ACCSL: variants seen among roughly 807,000 people sequenced by gnomAD.
ACCSL encodes probable inactive 1-aminocyclopropane-1-carboxylate synthase-like protein 2.
Under a neutral mutation model 61.7 loss-of-function variants are expected in ACCSL, and 55 were observed. That is an observed-to-expected ratio of 0.89 (90% confidence interval 0.72 to 1.12). ACCSL has a LOEUF of 1.12. Among genes scored for constraint, ACCSL ranks in the 50% most tolerant of loss-of-function variants. The pLI is 0.00. For missense variants in ACCSL, 632 were observed against 698.0 expected, an observed-to-expected ratio of 0.91 and a Z score of 1.07; for synonymous variants, 258 against 264.3, an observed-to-expected ratio of 0.98 and a Z score of 0.23.
At chr11:44,042,368 T>A in the ACCSL span, among the ~76,000 whole-genome samples, 1 of 152,252 alleles carries the variant, frequency 6.6e-6, no homozygotes, top group Non-Finnish European at 1.5e-5. Context: ...GGATTAGGAC[T>A]AATAAATTCA....
chr11:43,930,401 G>C, the ACCSL span, among the ~76,000 whole-genome samples: 1 of 152,154 alleles, frequency 6.6e-6, no homozygotes, highest in East Asian at 1.9e-4. Context: ...GTGTTGGACC[G>C]GGCCTGGTGG....
intron 1 of ACCSL, among the ~76,000 whole-genome samples, chr11:44,049,022 C>T (rs562822959): frequency 4.6e-5 from 7 of 152,210 alleles, no homozygotes; most frequent in South Asian, 2.1e-4. Flanking sequence ...CTTCAAGATG[C>T]GAAGGGCTAG....
chr11:43,943,573 A>T, the ACCSL span: 1 of 1,313,686 alleles, frequency 7.6e-7, no homozygotes, highest in Non-Finnish European at 1.0e-6. This position sits in a 1 kb window ranked among gnomAD's most constrained non-coding sequence, Gnocchi z 4.8. Flanking sequence ...GCCCGCGCTG[A>T]GTCGGCGGCG....
At chr11:44,015,387 C>T in the ACCSL span, among the ~76,000 whole-genome samples, 1 of 152,208 alleles carries the variant, frequency 6.6e-6, no homozygotes, top group Admixed American at 6.5e-5. Context: ...TCTGCTCTTG[C>T]CTCTGACATT....
At chr11:43,932,293 G>A in the ACCSL span, among the ~76,000 whole-genome samples, 1 of 151,914 alleles carries the variant, frequency 6.6e-6, no homozygotes, top group Non-Finnish European at 1.5e-5. Flanking sequence ...TTTGAGACAG[G>A]GTCTCATTCT....
the ACCSL span, among the ~76,000 whole-genome samples, chr11:44,015,697 C>CTT: frequency 6.6e-6 from 1 of 152,188 alleles, no homozygotes; most frequent in Non-Finnish European, 1.5e-5. Flanking sequence ...CTAGGTTTGT[C>CTT]TTAAACATTG....
At chr11:44,037,035 T>G in the ACCSL span, among the ~76,000 whole-genome samples, 12 of 152,134 alleles carry the variant, frequency 7.9e-5, no homozygotes, top group African/African-American at 2.9e-4. Flanking sequence ...TCTGGAGGGA[T>G]GGGGAGAGCT....
At chr11:43,929,483 C>T in the ACCSL span, among the ~76,000 whole-genome samples, 1 of 152,200 alleles carries the variant, frequency 6.6e-6, no homozygotes, top group African/African-American at 2.4e-5. Flanking sequence ...TCTTGGCCCA[C>T]TGTAAACTCT....
the ACCSL span, among the ~76,000 whole-genome samples, chr11:43,965,432 A>G: frequency 6.6e-6 from 1 of 152,218 alleles, no homozygotes; most frequent in South Asian, 2.1e-4. Context: ...ACTACAAAAC[A>G]TTGCTGAAAG....
chr11:43,963,095 A>G, the ACCSL span, among the ~76,000 whole-genome samples: 1 of 152,222 alleles, frequency 6.6e-6, no homozygotes, highest in African/African-American at 2.4e-5. Flanking sequence ...GCTTGAACAC[A>G]TCTGAGCCTG....
At chr11:43,935,788 C>A in the ACCSL span, among the ~76,000 whole-genome samples, 1 of 152,188 alleles carries the variant, frequency 6.6e-6, no homozygotes, top group African/African-American at 2.4e-5. Flanking sequence ...CCACCATGCC[C>A]AGCAACAAAT....
chr11:44,029,263 G>A, the ACCSL span, among the ~76,000 whole-genome samples: 5 of 152,214 alleles, frequency 3.3e-5, no homozygotes, highest in African/African-American at 1.2e-4. Context: ...CCTCATCTCT[G>A]AGTACTCCCC....
chr11:43,922,866 C>T, the ACCSL span, among the ~76,000 whole-genome samples: 1 of 152,190 alleles, frequency 6.6e-6, no homozygotes, highest in African/African-American at 2.4e-5. Context: ...AGGCTCCACA[C>T]TAAAAATGTC....
chr11:44,052,794 T>C, intron 6 of ACCSL, 35 bp downstream of exon 6: 1 of 1,582,546 alleles, frequency 6.3e-7, no homozygotes, highest in Non-Finnish European at 8.7e-7. Flanking sequence ...TCAGTATGCC[T>C]AGACAATGGA....
At chr11:43,996,485 C>T in the ACCSL span, among the ~76,000 whole-genome samples, 155 of 152,198 alleles carry the variant, frequency 1.0e-3, 1 homozygote, top group African/African-American at 3.6e-3. Flanking sequence ...ATGGGAGATA[C>T]TTAGAAGATG....
At chr11:43,996,807 T>C in the ACCSL span, among the ~76,000 whole-genome samples, 11 of 94,772 alleles carry the variant, frequency 1.2e-4, no homozygotes, top group Non-Finnish European at 2.2e-4. Flanking sequence ...TTCTCAACCT[T>C]TTTTCCTTTT....
At chr11:43,954,799 G>A in the ACCSL span, among the ~76,000 whole-genome samples, 1 of 151,954 alleles carries the variant, frequency 6.6e-6, no homozygotes, top group Admixed American at 6.6e-5. Context: ...TGGTCAGGCT[G>A]GTCTCGAACT....
chr11:43,973,540 C>T, the ACCSL span, among the ~76,000 whole-genome samples: 1 of 152,188 alleles, frequency 6.6e-6, no homozygotes, highest in African/African-American at 2.4e-5. Context: ...TCCCCATCTT[C>T]TTACTGGTCT....
chr11:44,039,537 T>C, the ACCSL span, among the ~76,000 whole-genome samples: 1 of 152,154 alleles, frequency 6.6e-6, no homozygotes, highest in South Asian at 2.1e-4. Context: ...GATAAAAGAC[T>C]ATAAATTGAG....
Sources: allele counts gnomAD v4.1 joint callset (sites outside exome capture counted in the v4.1 genomes callset), GRCh38; gene constraint gnomAD v4.1.1; non-coding constraint Gnocchi (gnomAD v3.1); transcripts MANE v1.5; gene names NCBI Gene and HGNC (gene_info 2026-07-23, HGNC 2026-07-21).